The following SH3GL2 variants were observed in gnomAD, a reference collection of about 807,000 sequenced individuals.
SH3GL2 encodes endophilin-A1.
SH3GL2 carries 24 observed loss-of-function variants against 46.0 expected under a neutral mutation model. That is an observed-to-expected ratio of 0.52 (90% CI 0.38 to 0.73). SH3GL2 has a LOEUF of 0.73. SH3GL2 is among the 30% of genes least tolerant of loss of function. SH3GL2 has a pLI of 0.00. For missense variants in SH3GL2, 413 were observed against 424.2 expected, an observed-to-expected ratio of 0.97 and a Z score of 0.23; for synonymous variants, 196 against 147.1, an observed-to-expected ratio of 1.33 and a Z score of -2.40.
At chr9:17,619,038 C>G (rs1819070145) in intron 1 of SH3GL2, among the ~76,000 whole-genome samples, 1 of 152,176 alleles carries the variant, frequency 6.6e-6, no homozygotes, top group South Asian at 2.1e-4. Context: ...TATCAACCAA[C>G]TGTATGGTAC....
At chr9:17,745,150 A>G (rs1174021882) in intron 1 of SH3GL2, among the ~76,000 whole-genome samples, 3 of 152,218 alleles carry the variant, frequency 2.0e-5, no homozygotes, top group African/African-American at 4.8e-5. Context: ...TAAATGTTCT[A>G]TATAGTTCTC....
chr9:17,585,497 A>G (rs1442464344), intron 1 of SH3GL2, among the ~76,000 whole-genome samples: 2 of 152,200 alleles, frequency 1.3e-5, no homozygotes, highest in Non-Finnish European at 2.9e-5. Flanking sequence ...GAGGCTCAAG[A>G]AAACAGAGTT....
chr9:17,598,753 T>C (rs1818617845), intron 1 of SH3GL2, among the ~76,000 whole-genome samples: 1 of 152,232 alleles, frequency 6.6e-6, no homozygotes, highest in Non-Finnish European at 1.5e-5. Flanking sequence ...AGTTGGTCTC[T>C]AAATTCCTGA....
intron 1 of SH3GL2, among the ~76,000 whole-genome samples, chr9:17,724,907 C>T (rs1242461534): frequency 6.6e-6 from 1 of 151,612 alleles, no homozygotes; most frequent in African/African-American, 2.4e-5. Context: ...CTTAAGCTGG[C>T]TTAGCCAGTT....
intron 1 of SH3GL2, among the ~76,000 whole-genome samples, chr9:17,603,343 A>G (rs998025566): frequency 3.3e-5 from 5 of 152,220 alleles, no homozygotes; most frequent in African/African-American, 9.6e-5. Flanking sequence ...TACACCATGG[A>G]TGAGCTGTAA....
intron 1 of SH3GL2, among the ~76,000 whole-genome samples, chr9:17,736,952 C>A (rs924893142): frequency 6.6e-6 from 1 of 152,016 alleles, no homozygotes; most frequent in Non-Finnish European, 1.5e-5. Flanking sequence ...GGAACCAACC[C>A]AAATGCCCAT....
chr9:17,597,641 G>A (rs1818599029), intron 1 of SH3GL2, among the ~76,000 whole-genome samples: 1 of 152,162 alleles, frequency 6.6e-6, no homozygotes, highest in South Asian at 2.1e-4. Flanking sequence ...AAGAGTAAGG[G>A]TTTTGCAAGA....
rs557794256 is a variant in SH3GL2 at position 17,788,385 on chromosome 9, G to A, written c.465+872G>A. On this transcript the variant is annotated intron_variant, in intron 5 of 8. Coordinates refer to ENST00000380607, the MANE Select transcript of SH3GL2 (RefSeq NM_003026.5). Reference sequence around the variant, plus strand: ...TGGATCAGGGCATGGACTGAGGGGCGGGGGATGCAGTGTGAGGGAAGGTTT... The same window carrying A: ...TGGATCAGGGCATGGACTGAGGGGCAGGGGATGCAGTGTGAGGGAAGGTTT... Among the ~76,000 whole-genome samples the A allele has an allele frequency of 7.9e-5, 12 of 152,158 alleles. No individual in the cohort carries two copies. The South Asian group carries it at 2.3e-3, about 29-fold the overall frequency.
chr9:17,738,626 T>TTA (rs368436353), intron 1 of SH3GL2, among the ~76,000 whole-genome samples: 1,003 of 74,796 alleles, frequency 0.013, 38 homozygotes, highest in African/African-American at 0.044. Context: ...TCATGTGATT[T>TTA]TATATATATA....
At chr9:17,645,499 G>C (rs1819793356) in intron 1 of SH3GL2, among the ~76,000 whole-genome samples, 1 of 152,122 alleles carries the variant, frequency 6.6e-6, no homozygotes, top group South Asian at 2.1e-4. Flanking sequence ...TGTTTTTGCA[G>C]TGGCTGGTAC....
chr9:17,594,386 C>A (rs1349782530), intron 1 of SH3GL2, among the ~76,000 whole-genome samples: 3 of 151,872 alleles, frequency 2.0e-5, no homozygotes, highest in Non-Finnish European at 4.4e-5. Context: ...CATATTTTCT[C>A]AGAGAGGTTA....
chr9:17,619,553 C>T (rs929428441), intron 1 of SH3GL2, among the ~76,000 whole-genome samples: 1 of 152,060 alleles, frequency 6.6e-6, no homozygotes, highest in African/African-American at 2.4e-5. Context: ...TGGCATGCAC[C>T]TGTAATCCCA....
intron 3 of SH3GL2, among the ~76,000 whole-genome samples, chr9:17,778,350 G>T (rs562804702): frequency 6.6e-6 from 1 of 152,286 alleles, no homozygotes; most frequent in East Asian, 1.9e-4. Flanking sequence ...GGAAGGATGA[G>T]ACTGATAGAG....
chr9:17,622,552 G>A (rs930335041), intron 1 of SH3GL2, among the ~76,000 whole-genome samples: 3 of 152,054 alleles, frequency 2.0e-5, no homozygotes, highest in Non-Finnish European at 4.4e-5. Context: ...TTCATCATAG[G>A]TGTCCACAAC....
intron 3 of SH3GL2, among the ~76,000 whole-genome samples, chr9:17,782,148 C>CGAA (rs559788236): frequency 2.0e-5 from 3 of 152,112 alleles, no homozygotes; most frequent in Admixed American, 6.6e-5. Flanking sequence ...TGAAACTTCA[C>CGAA]ATTTCTTCTG....
chr9:17,619,770 A>C (rs192199160), intron 1 of SH3GL2, among the ~76,000 whole-genome samples: 1 of 152,214 alleles, frequency 6.6e-6, no homozygotes, highest in Non-Finnish European at 1.5e-5. Flanking sequence ...ATTTTTTCAC[A>C]ATAGAAAATT....
chr9:17,694,914 T>G (rs548019488), intron 1 of SH3GL2, among the ~76,000 whole-genome samples: 16 of 152,198 alleles, frequency 1.1e-4, no homozygotes, highest in Non-Finnish European at 2.4e-4. Context: ...GGGGAGGCAG[T>G]GGCACACTTA....
intron 1 of SH3GL2, among the ~76,000 whole-genome samples, chr9:17,607,266 G>A (rs929079755): frequency 6.6e-6 from 1 of 152,186 alleles, no homozygotes; most frequent in Admixed American, 6.5e-5. Flanking sequence ...TAATGAACCT[G>A]TACAGCATAT....
intron 1 of SH3GL2, chr9:17,630,500 C>G (rs1819395847): frequency 6.6e-6 from 1 of 152,202 alleles, no homozygotes; most frequent in Non-Finnish European, 1.5e-5. Context: ...TGCAAGTGAT[C>G]ACGCGTATCA....
Sources: gnomAD v4.1 joint callset for allele counts (sites outside exome capture counted in the v4.1 genomes callset) on GRCh38, gnomAD v4.1.1 for gene constraint, MANE v1.5 for transcripts, NCBI Gene and HGNC (gene_info 2026-07-23, HGNC 2026-07-21) for gene names.